The following C2 variants were observed in gnomAD, a reference collection of about 807,000 sequenced individuals.
The protein encoded by C2 is C3/C5 convertase.
A neutral mutation model predicts 85.2 loss-of-function variants in C2; 64 were observed. That is an observed-to-expected ratio of 0.75 (90% confidence interval 0.61 to 0.92). The LOEUF is 0.92. C2 is among the 40% of genes least tolerant of loss of function. The probability of loss-of-function intolerance (pLI) is 0.00; values close to 1 mark genes in which losing one functional copy is unlikely to be tolerated. For missense variants in C2, 820 were observed against 971.6 expected (o/e 0.84, Z 2.07); for synonymous variants, 311 against 370.8 (o/e 0.84, Z 1.85).
upstream of C2, chr6:31,899,746 C>G: frequency 1.5e-6 from 1 of 666,192 alleles, no homozygotes; most frequent in South Asian, 2.3e-5. Context: ...GATTCTTGCA[C>G]TCTCAAGAGC....
At chr6:31,936,356 T>C in intron 7 of C2, 1 of 455,442 alleles carries the variant, frequency 2.2e-6, no homozygotes, top group Admixed American at 3.4e-5. Context: ...CATCTCCCCA[T>C]GTCATTAGCC....
At chr6:31,929,951 G>C (rs1011450621) in intron 3 of C2, among the ~76,000 whole-genome samples, 12 of 151,504 alleles carry the variant, frequency 7.9e-5, no homozygotes, top group Non-Finnish European at 1.8e-4. Context: ...GGCAGAGGTT[G>C]CAGTGAGCCG....
rs766101098 is a variant in C2, at chr6:31,944,741, C to T, written c.1917C>T (p.Ala639=). 1.5e-5 allele frequency: 25 copies of T among 1,612,946 alleles called. No individual in the cohort carries two copies. The African/African-American group carries it at 1.6e-4, about 10-fold the overall frequency. The change falls in exon 16 of 18, where the codon GCC becomes GCT. Residue 639 remains alanine, a synonymous_variant. Coordinates refer to ENST00000299367, the MANE Select transcript of C2 (RefSeq NM_000063.6). This position sits in a 1 kb window ranked among gnomAD's most constrained non-coding sequence, Gnocchi z 5.1. ...LKMGVEWTSC[A]EVVSQEKTMF... ...CCCTGCTGCAGTGGACAAGCTGTGC[C>T]GAGGTTGTCTCCCAAGAAAAAACCA...
intron 8 of C2, 83 bp from the exon 9 acceptor site, chr6:31,939,148 C>A (rs1770675645): frequency 1.0e-6 from 1 of 973,686 alleles, no homozygotes; most frequent in Non-Finnish European, 1.7e-6. Context: ...TTGAGGTTCC[C>A]AGGCTAAATG....
At chr6:31,939,017 T>C (rs1257328449) in intron 8 of C2, among the ~76,000 whole-genome samples, 1 of 152,212 alleles carries the variant, frequency 6.6e-6, no homozygotes. Flanking sequence ...CAGGCTGGTC[T>C]GGAACTCCTG....
At chr6:31,898,737 C>T (rs1202239064), upstream of C2, among the ~76,000 whole-genome samples, 1 of 150,912 alleles carries the variant, frequency 6.6e-6, no homozygotes, top group Admixed American at 6.7e-5. Context: ...TTTCCGTGGG[C>T]AGGTTGGCCA....
rs1464187844 is a variant in C2 at position 31,945,093 on chromosome 6, G to A, written c.2079+64G>A. On this transcript the variant is annotated intron_variant, in intron 17 of 17. Transcript: ENST00000299367. The surrounding 1 kb of genome is among the most constrained non-coding windows in gnomAD (Gnocchi z 5.3). The stretch of plus-strand genomic sequence containing the variant: ...GATCTCAGCCTTGTTGGGGGGATGA[G>A]GGAGGCCTTTGAGGGATCTAGGGAG... The A allele has an allele frequency of 1.9e-6, 3 of 1,610,416 alleles. No homozygotes were observed. In the East Asian group the frequency reaches 6.7e-5, roughly 36 times the overall value.
Position 31,922,231 on chromosome 6 carries a change from G to C in C2, c.-100+2205G>C, listed in dbSNP as rs1333293973. Among the ~76,000 whole-genome samples the C allele has an allele frequency of 6.6e-6, 1 of 152,112 alleles. No individual in the cohort carries two copies. Among genetic ancestry groups the C allele is most frequent in the East Asian group, 1.9e-4 (1 of 5,202 alleles). The stretch of plus-strand genomic sequence containing the variant: ...ACAGATCCACTAAAACCACCAAGAG[G>C]CTTGCAGAGCAATGCTGAATCCCCA... On this transcript the variant is annotated intron_variant, in intron 1 of 3. Coordinates refer to the C2 transcript ENST00000413154. The surrounding 1 kb of genome is among the most constrained non-coding windows in gnomAD (Gnocchi z 4.8).
In C2 at chr6:31,937,238, T is replaced by C. The variant is rs1770494511; in HGVS notation, c.989-81T>C. On this transcript the variant is annotated intron_variant, in intron 7 of 17. Transcript: ENST00000299367. ...AAAAAAAAAATTGCATTTCCAATAA[T>C]TGGGGGAATAGAGTGATTCCCTACC... 4 of 1,421,712 alleles carry C rather than the reference T, an allele frequency of 2.8e-6. No homozygotes were observed. The East Asian group carries it at 6.8e-5, about 24-fold the overall frequency. 88.1% of individuals were successfully genotyped at this position (1,421,712 alleles called of 1,614,324 possible). A position where few individuals can be genotyped will look rare whatever the true frequency, so the allele number is the denominator to read the frequency against.
chr6:31,931,385 G>C (rs1034883508), intron 3 of C2, among the ~76,000 whole-genome samples: 5 of 150,992 alleles, frequency 3.3e-5, no homozygotes, highest in Admixed American at 6.6e-5. Flanking sequence ...AAGGTCTCTG[G>C]TTTTCCTAGG....
Position 31,944,773 on chromosome 6 carries a change from C to T in C2, c.1949C>T (p.Pro650Leu), listed in dbSNP as rs1030387460. ...EVVSQEKTMF[P>L]NLTDVREVVT... ...GTCTCCCAAGAAAAAACCATGTTCCCCAACTTGACAGATGTCAGGGAGGTG... is the reference window on the plus strand; with the variant it reads ...GTCTCCCAAGAAAAAACCATGTTCCTCAACTTGACAGATGTCAGGGAGGTG... Residue 650 changes from proline to leucine, a missense_variant, in exon 16 of 18, where the codon CCC becomes CTC. Transcript: ENST00000299367. This position sits in a 1 kb window ranked among gnomAD's most constrained non-coding sequence, Gnocchi z 5.1. 12 of 1,613,094 alleles carry T rather than the reference C, an allele frequency of 7.4e-6. No individual in the cohort carries two copies. The highest frequency in any genetic ancestry group is 1.0e-5 in the Non-Finnish European group (12 of 1,180,040).
chr6:31,934,973 A>G (rs921026143), intron 6 of C2: 6 of 456,180 alleles, frequency 1.3e-5, no homozygotes, highest in Non-Finnish European at 1.7e-5. Flanking sequence ...ACGCCATTGC[A>G]CTCCAGCCTG....
chr6:31,908,135 A>G (rs1296436900), intron 1 of C2, among the ~76,000 whole-genome samples: 2 of 145,182 alleles, frequency 1.4e-5, no homozygotes, highest in South Asian at 4.4e-4. Flanking sequence ...CATGAGCCGC[A>G]GCACCCGGCC....
intron 1 of C2, among the ~76,000 whole-genome samples, chr6:31,911,218 G>T (rs1768073767): frequency 6.6e-6 from 1 of 151,772 alleles, no homozygotes; most frequent in South Asian, 2.1e-4. Flanking sequence ...AGAATTGCTG[G>T]AACCTGGGAG....
In C2 at chr6:31,933,658, G is replaced by T; in HGVS notation, c.491G>T (p.Gly164Val). The T allele has an allele frequency of 6.2e-7, 1 of 1,613,152 alleles. No individual in the cohort carries two copies. The highest frequency in any genetic ancestry group is 1.1e-5 in the South Asian group (1 of 91,088). Residue 164 changes from glycine (G) to valine (V), a missense_variant, in exon 4 of 18, where the codon GGC (glycine) becomes GTC (valine). Coordinates refer to ENST00000299367, the MANE Select transcript of C2 (RefSeq NM_000063.6). ...ATTTCACTGGGCGCAGTGCGGACAG[G>T]CTTCCGCTTTGGTCATGGGGACAAG... is the stretch of plus-strand genomic sequence containing the variant. ...PGISLGAVRT[G>V]FRFGHGDKVR...
At chr6:31,942,294 A>G (rs1466882192) in intron 9 of C2, among the ~76,000 whole-genome samples, 1 of 139,622 alleles carries the variant, frequency 7.2e-6, no homozygotes, top group East Asian at 2.1e-4. Flanking sequence ...ATTAGAGCTC[A>G]CCCTAATCTA....
rs777972972 is a variant in C2 at position 31,945,245 on chromosome 6, G to C, written c.2147G>C (p.Arg716Thr). The C allele has an allele frequency of 1.9e-6, 3 of 1,612,816 alleles. No individual in the cohort carries two copies. The highest frequency in any genetic ancestry group is 1.3e-5 in the African/African-American group (1 of 74,862). Residue 716 changes from arginine to threonine, a missense_variant, in exon 18 of 18, where the codon AGG (arginine) becomes ACG (threonine). Physicochemically the swap from Arg to Thr is moderately conservative, Grantham distance 71. Transcript: ENST00000299367. This position sits in a 1 kb window ranked among gnomAD's most constrained non-coding sequence, Gnocchi z 5.3. Reference sequence around the variant, plus strand: ...TCTGCTGACAAAAACTCCCGCAAAAGGGCCCCTCGTAGCAAGGTCCCGCCG... The same window carrying C: ...TCTGCTGACAAAAACTCCCGCAAAACGGCCCCTCGTAGCAAGGTCCCGCCG... ...LGSADKNSRK[R>T]APRSKVPPPR...
intron 7 of C2, 93 bp downstream of exon 7, chr6:31,936,154 G>C: frequency 7.1e-7 from 1 of 1,412,288 alleles, no homozygotes; most frequent in Non-Finnish European, 9.8e-7. Context: ...AAAAGAGAGT[G>C]AGGCCTCTTG....
intron 6 of C2, 90 bp downstream of exon 6, chr6:31,934,389 A>G: frequency 2.6e-6 from 4 of 1,532,488 alleles, no homozygotes; most frequent in Non-Finnish European, 3.6e-6. Context: ...CCCCACTCAC[A>G]GCCCACCTCC....
Sources: gnomAD v4.1 joint callset for allele counts (sites outside exome capture counted in the v4.1 genomes callset) on GRCh38, gnomAD v4.1.1 for gene constraint, Gnocchi (gnomAD v3.1) non-coding constraint, MANE v1.5 for transcripts, NCBI Gene and HGNC (gene_info 2026-07-23, HGNC 2026-07-21) for gene names.